Variants in VAX2 observed in about 807,000 individuals in gnomAD.
VAX2 encodes the protein ventral anterior homeobox 2.
Under a neutral mutation model 12.5 loss-of-function variants are expected in VAX2, and 8 were observed. The ratio of observed to expected loss-of-function variants is 0.64; its 90% CI spans 0.37 to 1.15. The LOEUF (loss-of-function observed/expected upper bound fraction) is 1.15, where lower values mean the gene tolerates loss of function less well. Ranked by LOEUF, VAX2 falls within the 50% of genes most tolerant of loss-of-function variation. The probability of loss-of-function intolerance (pLI) is 0.01; values close to 1 mark genes in which losing one functional copy is unlikely to be tolerated. For synonymous variants in VAX2, 183 were observed against 187.6 expected (o/e 0.98, Z 0.20); for missense variants, 476 against 412.9 (o/e 1.15, Z -1.32).
At chr2:70,923,956 G>A (rs1238320560) in intron 2 of VAX2, among the ~76,000 whole-genome samples, 1 of 152,156 alleles carries the variant, frequency 6.6e-6, no homozygotes, top group Admixed American at 6.5e-5. Flanking sequence ...GCAGCAGAGG[G>A]AGACCTTATC....
In VAX2 at chr2:70,922,567, T is replaced by G. The variant is rs28735805; in HGVS notation, c.435+1282T>G. On this transcript the variant is annotated intron_variant, in intron 2 of 2. Coordinates refer to ENST00000234392, the MANE Select transcript of VAX2 (RefSeq NM_012476.3). ...AGTCCTCCTGGTCCCCTTGAGAGGT[T>G]AGCAGGTTCCTCCTGGGGTACACTG... Among the ~76,000 whole-genome samples the G allele has an allele frequency of 3.5e-3, 534 of 151,476 alleles. 1 individual carries two copies. Among genetic ancestry groups the G allele is most frequent in the African/African-American group, 0.012 (508 of 40,902 alleles).
At chr2:70,905,996 G>A (rs1185137764) in intron 1 of VAX2, among the ~76,000 whole-genome samples, 1 of 152,150 alleles carries the variant, frequency 6.6e-6, no homozygotes, top group Non-Finnish European at 1.5e-5. Flanking sequence ...GGTGGGAGGT[G>A]GAGCATATGA....
At chr2:70,905,533 A>T (rs1387765360) in intron 1 of VAX2, among the ~76,000 whole-genome samples, 1 of 151,668 alleles carries the variant, frequency 6.6e-6, no homozygotes, top group Non-Finnish European at 1.5e-5. Context: ...ATCATCTTGT[A>T]GGTGTGTCTT....
intron 2 of VAX2, among the ~76,000 whole-genome samples, chr2:70,925,107 T>G (rs1679539080): frequency 6.6e-6 from 1 of 152,172 alleles, no homozygotes; most frequent in Admixed American, 6.5e-5. Flanking sequence ...CCAGAGTGGC[T>G]GGAGCTACAG....
intron 1 of VAX2, among the ~76,000 whole-genome samples, chr2:70,918,755 G>A (rs990230600): frequency 2.0e-5 from 3 of 151,684 alleles, no homozygotes; most frequent in African/African-American, 7.3e-5. Context: ...AATTAGCCAG[G>A]TGTGGTGGTG....
Sources: gnomAD v4.1 joint callset for allele counts (sites outside exome capture counted in the v4.1 genomes callset) on GRCh38, gnomAD v4.1.1 for gene constraint, MANE v1.5 for transcripts, NCBI Gene and HGNC (gene_info 2026-07-23, HGNC 2026-07-21) for gene names.